VAV3: variants seen among roughly 807,000 people sequenced by gnomAD.
VAV3 encodes vav guanine nucleotide exchange factor 3, also known as guanine nucleotide exchange factor VAV3.
Under a neutral mutation model 131.2 loss-of-function variants are expected in VAV3, and 94 were observed. That is an observed-to-expected ratio of 0.72 (90% CI 0.61 to 0.85). The LOEUF is 0.85. VAV3 is among the 40% of genes least tolerant of loss of function. VAV3 has a pLI of 0.00. For missense variants in VAV3, 939 were observed against 1,002.7 expected (o/e 0.94, Z 0.86); for synonymous variants, 349 against 342.0 (o/e 1.02, Z -0.22).
intron 1 of VAV3, among the ~76,000 whole-genome samples, chr1:107,880,107 G>A (rs988845621): frequency 6.6e-6 from 1 of 152,192 alleles, no homozygotes; most frequent in African/African-American, 2.4e-5. Flanking sequence ...ACAGACAAGT[G>A]AGTCCACGGT....
chr1:107,616,926 AT>A (rs1342869931), intron 21 of VAV3, among the ~76,000 whole-genome samples: 1 of 152,166 alleles, frequency 6.6e-6, no homozygotes, highest in Non-Finnish European at 1.5e-5. Flanking sequence ...CCATAATACC[AT>A]ATTATGATAC....
chr1:107,827,123 T>C lies in VAV3; in HGVS notation c.322-47631A>G, dbSNP rs182754313. On this transcript the variant is annotated intron_variant, in intron 2 of 26. Coordinates refer to ENST00000370056, the MANE Select transcript of VAV3 (RefSeq NM_006113.5). ...ATGTATTTTTAGTTTTATCTACCTG[T>C]TTTCTACCCTGAACTACCTATGACG... Among the ~76,000 whole-genome samples, 9 of 152,282 alleles carry C rather than the reference T, an allele frequency of 5.9e-5. No homozygotes were observed. In the East Asian group the frequency reaches 1.5e-3, roughly 26 times the overall value.
intron 1 of VAV3, among the ~76,000 whole-genome samples, chr1:107,881,354 T>C (rs1164008977): frequency 6.6e-6 from 1 of 152,186 alleles, no homozygotes; most frequent in Admixed American, 6.5e-5. Context: ...CTCAGAATTA[T>C]AACTGTACCT....
chr1:107,823,129 G>C (rs1667872324), intron 2 of VAV3, among the ~76,000 whole-genome samples: 1 of 152,078 alleles, frequency 6.6e-6, no homozygotes, highest in Admixed American at 6.5e-5. Context: ...AAAGTCCAAA[G>C]GAGAAGGAGG....
intron 1 of VAV3, among the ~76,000 whole-genome samples, chr1:107,929,553 T>A (rs1407011624): frequency 1.3e-5 from 2 of 152,102 alleles, no homozygotes; most frequent in Admixed American, 6.5e-5. Context: ...ACATTGTAAC[T>A]ATAGTAAGTA....
At chr1:107,822,982 A>T (rs182436770) in intron 2 of VAV3, among the ~76,000 whole-genome samples, 10 of 152,334 alleles carry the variant, frequency 6.6e-5, no homozygotes, top group Non-Finnish European at 1.3e-4. Context: ...TTTGGATGAG[A>T]GAATACTAGG....
At chr1:107,730,216 A>G (rs1440589333) in intron 15 of VAV3, among the ~76,000 whole-genome samples, 1 of 152,202 alleles carries the variant, frequency 6.6e-6, no homozygotes, top group Non-Finnish European at 1.5e-5. Context: ...ACCCTGAAGG[A>G]GAAGGATGAC....
intron 1 of VAV3, among the ~76,000 whole-genome samples, chr1:107,896,158 G>A (rs1424154682): frequency 6.6e-6 from 1 of 152,198 alleles, no homozygotes; most frequent in African/African-American, 2.4e-5. Context: ...GCAGAACCAT[G>A]GAGCCATTTC....
At chr1:107,853,292 A>G (rs1228733533) in intron 2 of VAV3, among the ~76,000 whole-genome samples, 3 of 152,218 alleles carry the variant, frequency 2.0e-5, no homozygotes, top group Non-Finnish European at 2.9e-5. Flanking sequence ...CCAAGATAAT[A>G]ACAGAATGGA....
At chr1:107,770,128 G>A (rs1664955485) in intron 6 of VAV3, among the ~76,000 whole-genome samples, 1 of 152,042 alleles carries the variant, frequency 6.6e-6, no homozygotes, top group African/African-American at 2.4e-5. Context: ...TGCCCTTGAA[G>A]CACATGCTGA....
At chr1:107,578,723 C>G in intron 25 of VAV3, 1 of 979,242 alleles carries the variant, frequency 1.0e-6, no homozygotes, top group Non-Finnish European at 1.2e-6. Flanking sequence ...ATTCTCCTGC[C>G]TCAGCCTCCC....
chr1:107,665,017 G>A (rs1308052235), intron 19 of VAV3, among the ~76,000 whole-genome samples: 1 of 152,160 alleles, frequency 6.6e-6, no homozygotes, highest in Non-Finnish European at 1.5e-5. Flanking sequence ...GCTCCTGGGG[G>A]CCTTTTATAG....
chr1:107,633,065 A>G (rs1654625711), intron 20 of VAV3, among the ~76,000 whole-genome samples: 1 of 152,210 alleles, frequency 6.6e-6, no homozygotes, highest in Non-Finnish European at 1.5e-5. Flanking sequence ...ACAGAATCTC[A>G]ATTATAGTTC....
intron 1 of VAV3, among the ~76,000 whole-genome samples, chr1:107,883,037 C>T (rs1233600233): frequency 1.3e-5 from 2 of 152,134 alleles, no homozygotes; most frequent in Non-Finnish European, 2.9e-5. Context: ...GCCAATATTT[C>T]TGTTTTGATT....
chr1:107,948,757 A>C (rs1674390240), intron 1 of VAV3, among the ~76,000 whole-genome samples: 1 of 152,122 alleles, frequency 6.6e-6, no homozygotes, highest in African/African-American at 2.4e-5. Flanking sequence ...GAGGCAGAAG[A>C]ATTGCTTAAA....
At chr1:107,662,932 A>G (rs1000830602) in intron 19 of VAV3, among the ~76,000 whole-genome samples, 13 of 152,216 alleles carry the variant, frequency 8.5e-5, no homozygotes, top group African/African-American at 2.9e-4. Flanking sequence ...AATGACCTGC[A>G]CATCGACTTC....
chr1:107,631,336 C>G (rs1654463636), intron 20 of VAV3, among the ~76,000 whole-genome samples: 1 of 151,880 alleles, frequency 6.6e-6, no homozygotes, highest in Non-Finnish European at 1.5e-5. Context: ...GCAGAGTCAG[C>G]TAACTGTTCC....
chr1:107,813,967 A>AGTGTGTGTGT (rs58318688), intron 2 of VAV3, among the ~76,000 whole-genome samples: 5,472 of 135,730 alleles, frequency 0.04, 142 homozygotes, highest in Non-Finnish European at 0.052. Flanking sequence ...ATAGTACTCC[A>AGTGTGTGTGT]GTGTGTGTGT....
rs760364027 is a variant in VAV3, at chr1:107,661,377, C to T, written c.1778-18622G>A. Among the ~76,000 whole-genome samples the T allele has an allele frequency of 7.2e-5, 11 of 152,290 alleles. 1 individual carries two copies. In the South Asian group the frequency reaches 1.5e-3, roughly 20 times the overall value. On this transcript the variant is annotated intron_variant, in intron 19 of 26. Transcript: ENST00000370056. ...CTTCCACAGTGCAAGGCTATGCTTT[C>T]GGATCATTCTAATCCCTCAAGGGCA...
Sources: gnomAD v4.1 joint callset for allele counts (sites outside exome capture counted in the v4.1 genomes callset) on GRCh38, gnomAD v4.1.1 for gene constraint, MANE v1.5 for transcripts, NCBI Gene and HGNC (gene_info 2026-07-23, HGNC 2026-07-21) for gene names.